PCDHA10: variants seen among roughly 807,000 people sequenced by gnomAD.
PCDHA10 encodes the protein protocadherin alpha 10.
Under a neutral mutation model 61.2 loss-of-function variants are expected in PCDHA10, and 45 were observed. That is an observed-to-expected ratio of 0.74 (90% CI 0.58 to 0.94). The LOEUF (loss-of-function observed/expected upper bound fraction) is 0.94. PCDHA10 is among the 40% of genes least tolerant of loss of function. PCDHA10 has a pLI of 0.00. For missense variants in PCDHA10, 1,278 were observed against 1,236.2 expected (o/e 1.03, Z -0.51); for synonymous variants, 602 against 548.8 (o/e 1.10, Z -1.35).
At chr5:140,947,436 G>C (rs269551) in intron 1 of PCDHA10, among the ~76,000 whole-genome samples, 37,364 of 151,424 alleles carry the variant, frequency 0.25, 5,790 homozygotes, top group African/African-American at 0.44. Flanking sequence ...TTGAAAATCA[G>C]CTGTGAAATC....
chr5:140,916,520 G>C (rs1339531103), intron 1 of PCDHA10, among the ~76,000 whole-genome samples: 1 of 152,112 alleles, frequency 6.6e-6, no homozygotes, highest in African/African-American at 2.4e-5. Context: ...GCCAAGACTG[G>C]GTCCTTCCCA....
intron 1 of PCDHA10, chr5:140,969,437 T>C (rs1429370144): frequency 1.8e-5 from 28 of 1,547,818 alleles, no homozygotes; most frequent in Non-Finnish European, 2.4e-5. Context: ...ACAAGAGTTA[T>C]CTGGTAAACT....
chr5:140,995,867 G>A (rs1355291744), intron 3 of PCDHA10, among the ~76,000 whole-genome samples: 1 of 152,152 alleles, frequency 6.6e-6, no homozygotes, highest in Non-Finnish European at 1.5e-5. Flanking sequence ...CTTAATAATT[G>A]TGCAACCTGT....
chr5:140,969,261 T>G (rs2153777840), intron 1 of PCDHA10: 1 of 1,614,180 alleles, frequency 6.2e-7, no homozygotes, highest in South Asian at 1.1e-5. Flanking sequence ...AGCAGGAATC[T>G]CACAGGCCAA....
intron 1 of PCDHA10, among the ~76,000 whole-genome samples, chr5:140,893,569 A>G (rs750933580): frequency 3.3e-5 from 5 of 152,120 alleles, no homozygotes; most frequent in Non-Finnish European, 7.4e-5. Flanking sequence ...GTACTTCCTC[A>G]GTTTTTGCTT....
intron 1 of PCDHA10, among the ~76,000 whole-genome samples, chr5:140,917,362 A>G (rs552053034): frequency 2.2e-4 from 32 of 142,394 alleles, no homozygotes; most frequent in Admixed American, 1.7e-3. Flanking sequence ...CTGTTCCACT[A>G]TCTTGCTCCA....
At chr5:140,976,310 G>A (rs1216220776) in intron 1 of PCDHA10, among the ~76,000 whole-genome samples, 1 of 152,036 alleles carries the variant, frequency 6.6e-6, no homozygotes, top group African/African-American at 2.4e-5. Context: ...CAGCACTTTG[G>A]GAGGCCGAGG....
intron 1 of PCDHA10, chr5:140,883,260 C>A (rs1554177345): frequency 6.2e-7 from 1 of 1,613,946 alleles, no homozygotes; most frequent in Non-Finnish European, 8.5e-7. Context: ...ATTCCAATGG[C>A]GGGTCATTGT....
intron 3 of PCDHA10, among the ~76,000 whole-genome samples, chr5:141,007,447 A>T (rs2153992021): frequency 6.6e-6 from 1 of 151,258 alleles, no homozygotes; most frequent in South Asian, 2.1e-4. Flanking sequence ...ATGTGCCTGT[A>T]GTCCCAGCTA....
At chr5:140,923,343 T>G (rs1251719779) in intron 1 of PCDHA10, among the ~76,000 whole-genome samples, 1 of 152,122 alleles carries the variant, frequency 6.6e-6, no homozygotes, top group African/African-American at 2.4e-5. Flanking sequence ...TTGGGCAACA[T>G]AGTGGGACCC....
chr5:140,967,633 T>G, intron 1 of PCDHA10: 2 of 1,614,106 alleles, frequency 1.2e-6, no homozygotes, highest in Non-Finnish European at 1.7e-6. Flanking sequence ...AGGGCTCCAA[T>G]GGTGAGCTCA....
At chr5:140,979,109 G>A (rs979649515) in intron 2 of PCDHA10, 102 bp downstream of exon 2, 1 of 1,524,682 alleles carries the variant, frequency 6.6e-7, no homozygotes, top group Admixed American at 2.3e-5. Context: ...AAACTAAAAA[G>A]CTTTAGGTAC....
intron 3 of PCDHA10, among the ~76,000 whole-genome samples, chr5:141,005,605 G>A (rs1366861614): frequency 7.3e-5 from 11 of 150,146 alleles, no homozygotes; most frequent in African/African-American, 2.7e-4. Context: ...AGGAGGCTGA[G>A]GCAGGAGAAT....
chr5:140,866,283 G>A (rs1554160187), intron 1 of PCDHA10: 1 of 152,094 alleles, frequency 6.6e-6, no homozygotes, highest in Non-Finnish European at 1.5e-5. Context: ...GACAGTGTTT[G>A]GGACAAGTAT....
At chr5:140,917,330 A>G (rs155802) in intron 1 of PCDHA10, among the ~76,000 whole-genome samples, 15,235 of 96,446 alleles carry the variant, frequency 0.16, 1,247 homozygotes, top group East Asian at 0.38. Context: ...GTGGCGGGGG[A>G]GGGGGGGGAT....
chr5:140,868,098 A>G (rs972281563), intron 1 of PCDHA10: 22 of 152,120 alleles, frequency 1.4e-4, no homozygotes, highest in Admixed American at 1.0e-3. Context: ...AATGATAATA[A>G]AATTTATTTT....
chr5:140,922,560 G>A (rs2080886484), intron 1 of PCDHA10, among the ~76,000 whole-genome samples: 4 of 152,146 alleles, frequency 2.6e-5, no homozygotes, highest in Admixed American at 2.6e-4. Flanking sequence ...GAAAAGTCAG[G>A]ATGACAAGTT....
chr5:140,875,586 G>T, intron 1 of PCDHA10: 1 of 1,614,024 alleles, frequency 6.2e-7, no homozygotes, highest in South Asian at 1.1e-5. Flanking sequence ...TCTACGAGGA[G>T]GCCAAACACG....
rs1351509805 is a variant in PCDHA10, at chr5:140,928,584, TG to T, written c.2389-50364del. The T allele has an allele frequency of 8.7e-6, 14 of 1,614,150 alleles. No homozygotes were observed. In the African/African-American group the frequency reaches 1.9e-4, roughly 22 times the overall value. On this transcript the variant is annotated intron_variant, in intron 1 of 3. Coordinates refer to ENST00000307360, the MANE Select transcript of PCDHA10 (RefSeq NM_018901.4). ...TGTTTCCCTTGCCCAGAAATGGTTCTGTCCCAGTGGAAATTGTGCCCCGCTC... is the reference window on the plus strand; with the variant it reads ...TGTTTCCCTTGCCCAGAAATGGTTCTTCCCAGTGGAAATTGTGCCCCGCTC...
Sources: allele counts gnomAD v4.1 joint callset (sites outside exome capture counted in the v4.1 genomes callset), GRCh38; gene constraint gnomAD v4.1.1; transcripts MANE v1.5; gene names NCBI Gene and HGNC (gene_info 2026-07-23, HGNC 2026-07-21).